Variants in MYO5A observed in about 807,000 individuals in gnomAD.
MYO5A encodes unconventional myosin-Va.
Under a neutral mutation model 249.7 loss-of-function variants are expected in MYO5A, and 98 were observed. The ratio of observed to expected loss-of-function variants is 0.39; its 90% CI spans 0.33 to 0.46. The LOEUF is 0.46. Among genes scored for constraint, MYO5A ranks in the 20% least tolerant of loss-of-function variants. The pLI is 0.98. For synonymous variants in MYO5A, 778 were observed against 810.6 expected, an observed-to-expected ratio of 0.96 and a Z score of 0.68; for missense variants, 1,696 against 2,308.8, an observed-to-expected ratio of 0.73 and a Z score of 5.44.
At chr15:52,406,013 C>G (rs72736657) in intron 8 of MYO5A, among the ~76,000 whole-genome samples, 10,277 of 152,234 alleles carry the variant, frequency 0.068, 471 homozygotes, top group Non-Finnish European at 0.097. Flanking sequence ...ATATCCCAGC[C>G]TGATGAGTAT....
intron 3 of MYO5A, among the ~76,000 whole-genome samples, chr15:52,427,442 C>G (rs11855640): frequency 0.15 from 22,881 of 150,494 alleles, 1,827 homozygotes; most frequent in Middle Eastern, 0.22. Flanking sequence ...AGGGAAGAAA[C>G]ACAGTAAGGA....
chr15:52,528,737 C>T lies in MYO5A; in HGVS notation c.27+43G>A, dbSNP rs1479801247. On this transcript the variant is annotated intron_variant, in intron 1 of 41. Coordinates refer to ENST00000399233, the MANE Select transcript of MYO5A (RefSeq NM_001382347.1). The stretch of plus-strand genomic sequence containing the variant: ...CCAGCCTGACAGCTGGCGGCGAGGG[C>T]CGCACAGCCCCAGTCCTCGACGCCG... The T allele has an allele frequency of 3.4e-6, 5 of 1,492,508 alleles. No homozygotes were observed. In the African/African-American group the frequency reaches 4.4e-5, roughly 13 times the overall value. The allele number at this position is 1,492,508 out of a possible 1,614,324, so 92.5% of individuals were successfully genotyped here.
rs200320492 is a variant in MYO5A at position 52,375,390 on chromosome 15, G to A, written c.2491C>T (p.Arg831Cys). The A allele has an allele frequency of 5.9e-5, 95 of 1,614,066 alleles. No homozygotes were observed. In the East Asian group the frequency reaches 1.7e-3, roughly 30 times the overall value. The change falls in exon 20 of 42, where the codon CGC becomes TGC. Residue 831 changes from arginine (R) to cysteine (C), a missense_variant. Arg to Cys is a radical substitution (Grantham distance 180). Around this residue, in one of 5 missense-constraint regions of MYO5A, gnomAD observed 412 missense variants for 453.3 expected, o/e 0.91. Transcript: ENST00000399233. ...IQKYWRMYVV[R>C]RRYKIRRAAT... ...GCTCGTCTAATCTTGTACCTCCTGC[G>A]GACCACATACATGCGCCAGTACTTT...
chr15:52,512,462 T>G (rs1487586216), intron 1 of MYO5A, among the ~76,000 whole-genome samples: 1 of 151,900 alleles, frequency 6.6e-6, no homozygotes, highest in Non-Finnish European at 1.5e-5. Context: ...TGGGAAAACC[T>G]TCACAATATA....
At position 52,390,399 on chromosome 15, in the gene MYO5A, A is replaced by G. The variant is rs1457326783; in HGVS notation, c.1543-1036T>C. Reference sequence around the variant, plus strand: ...TAAATATATACACCAACTAGTACCCACAAAAATTAAAAATTAAATTTAAAA... The same window carrying G: ...TAAATATATACACCAACTAGTACCCGCAAAAATTAAAAATTAAATTTAAAA... On this transcript the variant is annotated intron_variant, in intron 12 of 41. Transcript: ENST00000399233. Among the ~76,000 whole-genome samples the G allele has an allele frequency of 2.6e-5, 4 of 152,264 alleles. No homozygotes were observed. In the East Asian group the frequency reaches 7.7e-4, roughly 29 times the overall value.
chr15:52,432,471 A>G (rs964728337), intron 2 of MYO5A, among the ~76,000 whole-genome samples: 3 of 152,268 alleles, frequency 2.0e-5, no homozygotes, highest in Non-Finnish European at 4.4e-5. Flanking sequence ...ATAAGCACTC[A>G]TCTTAGAGTC....
intron 1 of MYO5A, among the ~76,000 whole-genome samples, chr15:52,471,619 A>ACACACACACACACACACC (rs773132992): frequency 4.7e-5 from 7 of 149,304 alleles, no homozygotes; most frequent in African/African-American, 1.7e-4. Flanking sequence ...ACACACACAC[A>ACACACACACACACACACC]CCCCAAACAA....
At chr15:52,331,712 T>G in intron 34 of MYO5A, 1 of 985,422 alleles carries the variant, frequency 1.0e-6, no homozygotes, top group Non-Finnish European at 1.2e-6. Context: ...CCAGTGCTCT[T>G]GCTTATGTGG....
chr15:52,487,445 C>T (rs933423050), intron 1 of MYO5A, among the ~76,000 whole-genome samples: 1 of 151,652 alleles, frequency 6.6e-6, no homozygotes, highest in Non-Finnish European at 1.5e-5. Flanking sequence ...AAATAAGGGC[C>T]GGGTATGGTG....
chr15:52,472,960 A>G (rs1595748041), intron 1 of MYO5A, among the ~76,000 whole-genome samples: 1 of 152,338 alleles, frequency 6.6e-6, no homozygotes, highest in East Asian at 1.9e-4. Context: ...TCCTTGAGGA[A>G]TTGCCACACT....
At position 52,497,306 on chromosome 15, in the gene MYO5A, A is replaced by G. The variant is rs149538655; in HGVS notation, c.27+31474T>C. Among the ~76,000 whole-genome samples the G allele has an allele frequency of 6.9e-3, 1,052 of 152,228 alleles. 11 individuals are homozygous for G. Among genetic ancestry groups the G allele is most frequent in the African/African-American group, 0.025 (1,021 of 41,526 alleles). ...GCAGCTGGCAGCAGATGGAATGAGG[A>G]GTCAGGATGGCAAGTCTCAACAAAT... On this transcript the variant is annotated intron_variant, in intron 1 of 41. Transcript: ENST00000399233.
chr15:52,479,561 A>G (rs1023949025), intron 1 of MYO5A, among the ~76,000 whole-genome samples: 1 of 152,204 alleles, frequency 6.6e-6, no homozygotes, highest in African/African-American at 2.4e-5. Context: ...TGGTATATCT[A>G]TATAATGGAA....
At chr15:52,469,139 A>G (rs1015788093) in intron 1 of MYO5A, among the ~76,000 whole-genome samples, 6 of 152,226 alleles carry the variant, frequency 3.9e-5, no homozygotes, top group African/African-American at 1.4e-4. Context: ...ATATTAGTGT[A>G]AAGGTTAACT....
intron 1 of MYO5A, chr15:52,505,574 A>G: frequency 6.4e-7 from 1 of 1,566,656 alleles, no homozygotes; most frequent in Admixed American, 1.7e-5. Context: ...TATGAATCAA[A>G]GAAAGCCAAA....
intron 1 of MYO5A, among the ~76,000 whole-genome samples, chr15:52,446,810 A>G (rs2075901207): frequency 1.3e-5 from 2 of 152,280 alleles, no homozygotes; most frequent in South Asian, 4.1e-4. Context: ...GATCTTTAAG[A>G]TTTAATGATT....
Position 52,327,928 on chromosome 15 carries a change from G to A in MYO5A, c.4634C>T (p.Ala1545Val). ...AYILFMCVRH[A>V]DYLNDDQKVR... ...TTTCTGATCATCATTCAGGTAGTCAGCATGTCGAACACACATGAACAGGAT... is the reference window on the plus strand; with the variant it reads ...TTTCTGATCATCATTCAGGTAGTCAACATGTCGAACACACATGAACAGGAT... Residue 1545 changes from alanine (A) to valine (V), a missense_variant, in exon 36 of 42, where the codon GCT (alanine) becomes GTT (valine). By Grantham distance (64) the Ala-to-Val change is moderately conservative. Transcript: ENST00000399233. 1 of 1,613,146 alleles carries A rather than the reference G, an allele frequency of 6.2e-7. No homozygotes were observed. Among genetic ancestry groups the A allele is most frequent in the Non-Finnish European group, 8.5e-7 (1 of 1,179,136 alleles).
chr15:52,353,034 C>T (rs2040033367), intron 27 of MYO5A, among the ~76,000 whole-genome samples: 1 of 152,118 alleles, frequency 6.6e-6, no homozygotes, highest in Admixed American at 6.5e-5. Context: ...ATCAGAATCA[C>T]CCAGAGGTCT....
rs546694910 is a variant in MYO5A at position 52,474,792 on chromosome 15, A to G, written c.28-41507T>C. 3.3e-5 allele frequency among the ~76,000 whole-genome samples: 5 copies of G among 152,340 alleles called. No homozygotes were observed. The South Asian group carries it at 1.0e-3, about 32-fold the overall frequency. ...GATGTGCTGCTGGATTCAGTTTGCC[A>G]GTATTTTATTGAGGATTTTTGCATC... is the stretch of plus-strand genomic sequence containing the variant. On this transcript the variant is annotated intron_variant, in intron 1 of 41. Transcript: ENST00000399233.
chr15:52,474,541 T>C (rs2076548657), intron 1 of MYO5A, among the ~76,000 whole-genome samples: 1 of 152,302 alleles, frequency 6.6e-6, no homozygotes, highest in African/African-American at 2.4e-5. Flanking sequence ...TAAATAGCTC[T>C]TATTATTTTG....
Sources: gnomAD v4.1 joint callset for allele counts (sites outside exome capture counted in the v4.1 genomes callset) on GRCh38, gnomAD v4.1.1 for gene constraint, gnomAD v4.1.1 regional missense constraint, MANE v1.5 for transcripts, NCBI Gene and HGNC (gene_info 2026-07-23, HGNC 2026-07-21) for gene names.